The following INPP5D variants were observed in gnomAD, a reference collection of about 807,000 sequenced individuals.
INPP5D encodes the protein inositol polyphosphate-5-phosphatase D.
Under a neutral mutation model 122.9 loss-of-function variants are expected in INPP5D, and 33 were observed. The ratio of observed to expected loss-of-function variants is 0.27; its 90% CI spans 0.20 to 0.36. The LOEUF is 0.36. INPP5D is among the 10% of genes least tolerant of loss of function. The pLI, the probability that INPP5D is intolerant of heterozygous loss-of-function variation, is 1.00. For synonymous variants in INPP5D, 584 were observed against 576.2 expected (o/e 1.01, Z -0.19); for missense variants, 1,053 against 1,412.7 (o/e 0.75, Z 4.08).
intron 24 of INPP5D, among the ~76,000 whole-genome samples, 168 bp downstream of exon 24, chr2:233,195,663 A>G (rs796936811): frequency 2.6e-5 from 4 of 152,274 alleles, no homozygotes; most frequent in African/African-American, 7.2e-5. Flanking sequence ...CCTGAGCAAC[A>G]TATCGAGACC....
intron 6 of INPP5D, chr2:233,145,151 C>G (rs1693724882): frequency 1.6e-5 from 7 of 445,676 alleles, no homozygotes; most frequent in Admixed American, 4.8e-5. Flanking sequence ...CCACACCTGG[C>G]AGCATGTCTA....
Position 233,161,782 on chromosome 2 carries a change from C to T in INPP5D, c.1196C>T (p.Pro399Leu), listed in dbSNP as rs777189163. 11 of 1,613,592 alleles carry T rather than the reference C, an allele frequency of 6.8e-6. No individual in the cohort carries two copies. Among genetic ancestry groups the T allele is most frequent in the South Asian group, 4.4e-5 (4 of 90,990 alleles). ...QQMKNKHSEQ[P>L]EPDMITIFIG... The stretch of plus-strand genomic sequence containing the variant: ...ATGAAGAACAAGCACTCAGAGCAGC[C>T]GGAGCCCGACATGATCACCATCTTC... The change falls in exon 11 of 27, where the codon CCG becomes CTG. Residue 399 changes from proline (P) to leucine (L), a missense_variant. Coordinates refer to ENST00000445964, the MANE Select transcript of INPP5D (RefSeq NM_001017915.3).
chr2:233,109,295 C>G, intron 2 of INPP5D, among the ~76,000 whole-genome samples: 1 of 152,252 alleles, frequency 6.6e-6, no homozygotes, highest in East Asian at 1.9e-4. Flanking sequence ...TCAGCTGAGA[C>G]AGCCAAGAAG....
intron 5 of INPP5D, among the ~76,000 whole-genome samples, chr2:233,137,390 C>T (rs1363943474): frequency 1.3e-5 from 2 of 149,810 alleles, no homozygotes. Flanking sequence ...CTTAATAATG[C>T]AATATGAATC....
chr2:233,175,743 C>T (rs530490216), intron 17 of INPP5D, among the ~76,000 whole-genome samples: 216 of 150,034 alleles, frequency 1.4e-3, no homozygotes, highest in African/African-American at 4.9e-3. Flanking sequence ...AGTGCAGTGG[C>T]GCAATCTCAG....
intron 6 of INPP5D, among the ~76,000 whole-genome samples, chr2:233,142,161 T>C (rs1693644592): frequency 6.6e-6 from 1 of 152,204 alleles, no homozygotes; most frequent in South Asian, 2.1e-4. Flanking sequence ...GGCCAGTCTC[T>C]GCATTTGGTG....
intron 2 of INPP5D, among the ~76,000 whole-genome samples, chr2:233,114,603 G>C (rs923513418): frequency 3.3e-5 from 5 of 152,290 alleles, no homozygotes; most frequent in African/African-American, 1.2e-4. Context: ...TCAGCCTTGG[G>C]ACGTGTGGAT....
At chr2:233,186,282 C>T (rs1288886534) in intron 21 of INPP5D, among the ~76,000 whole-genome samples, 5 of 152,128 alleles carry the variant, frequency 3.3e-5, no homozygotes, top group East Asian at 3.9e-4. Context: ...ACACCTAGGA[C>T]GCAACCCCAA....
rs931342602 is a variant in INPP5D at position 233,206,057 on chromosome 2, C to T, written c.3568-649C>T. Among the ~76,000 whole-genome samples the T allele has an allele frequency of 3.3e-5, 5 of 152,036 alleles. No individual in the cohort carries two copies. Among genetic ancestry groups the T allele is most frequent in the South Asian group, 2.1e-4 (1 of 4,820 alleles). On this transcript the variant is annotated intron_variant, in intron 26 of 26. Coordinates refer to ENST00000445964, the MANE Select transcript of INPP5D (RefSeq NM_001017915.3). This position sits in a 1 kb window ranked among gnomAD's most constrained non-coding sequence, Gnocchi z 4.0. ...TCGCAACACTGCACTCCAGCCTGGG[C>T]GACAGAGTGAGACTCCATCTCAAAA...
rs1273194867 is a variant in INPP5D at position 233,137,845 on chromosome 2, A to T, written c.666-1997A>T. ...GAAACTCCATCACAAAAAAAAAAAA[A>T]AAAAAAAAATATATATATATATATA... is the stretch of plus-strand genomic sequence containing the variant. On this transcript the variant is annotated intron_variant, in intron 5 of 26. Coordinates refer to ENST00000445964, the MANE Select transcript of INPP5D (RefSeq NM_001017915.3). Among the ~76,000 whole-genome samples the T allele has an allele frequency of 4.4e-4, 7 of 15,798 alleles. 2 individuals are homozygous for T. The highest frequency in any genetic ancestry group is 8.5e-4 in the African/African-American group (5 of 5,870). The allele number at this position is 15,798 out of a possible 152,430, so 10.4% of individuals were successfully genotyped here.
intron 18 of INPP5D, among the ~76,000 whole-genome samples, chr2:233,182,045 G>A (rs529939693): frequency 2.4e-4 from 37 of 152,260 alleles, no homozygotes; most frequent in African/African-American, 5.1e-4. Flanking sequence ...GCAGTGAGCC[G>A]AGATCGCGCC....
chr2:233,125,767 C>T lies in INPP5D; in HGVS notation c.372C>T (p.Pro124=), dbSNP rs758115369. The change falls in exon 4 of 27, where the codon CCC becomes CCT. Residue 124 remains proline (P), a synonymous_variant. Coordinates refer to ENST00000445964, the MANE Select transcript of INPP5D (RefSeq NM_001017915.3). ...EDTVESVVSP[P]ELPPRNIPLT... is the part of the protein sequence containing the mutation. ...CAGTAGAAAGTGTCGTGTCTCCACCCGAGCTGCCCCCAAGAAACATCCCGC... is the reference window on the plus strand; with the variant it reads ...CAGTAGAAAGTGTCGTGTCTCCACCTGAGCTGCCCCCAAGAAACATCCCGC... The T allele has an allele frequency of 1.4e-5, 23 of 1,613,492 alleles. 1 individual carries two copies. In the Middle Eastern group the frequency reaches 1.2e-3, roughly 81 times the overall value.
intron 6 of INPP5D, among the ~76,000 whole-genome samples, chr2:233,143,062 A>G (rs927670884): frequency 1.3e-5 from 2 of 152,292 alleles, no homozygotes; most frequent in South Asian, 2.1e-4. Flanking sequence ...TCAGGTCTAT[A>G]CTAGCTGTAA....
chr2:233,061,816 C>T (rs909855842), intron 1 of INPP5D, among the ~76,000 whole-genome samples: 3 of 152,232 alleles, frequency 2.0e-5, no homozygotes, highest in African/African-American at 7.2e-5. Context: ...CAGCCTGTGG[C>T]CCAACCTCTC....
chr2:233,099,112 G>A (rs903284485), intron 2 of INPP5D, among the ~76,000 whole-genome samples: 3 of 152,028 alleles, frequency 2.0e-5, no homozygotes, highest in African/African-American at 7.2e-5. Flanking sequence ...CACCATGTCT[G>A]GCTAATTTTT....
chr2:233,188,653 C>T lies in INPP5D; in HGVS notation c.2359-1197C>T, dbSNP rs530449340. Among the ~76,000 whole-genome samples the T allele has an allele frequency of 3.3e-5, 5 of 152,186 alleles. No individual in the cohort carries two copies. The highest frequency in any genetic ancestry group is 7.3e-5 in the Non-Finnish European group (5 of 68,034). ...CTCGGCTCACTGCAACCTCCGCCTC[C>T]AAGGTTCAAGCGATTTGCCTGTCTC... On this transcript the variant is annotated intron_variant, in intron 21 of 26. Coordinates refer to ENST00000445964, the MANE Select transcript of INPP5D (RefSeq NM_001017915.3). This position sits in a 1 kb window ranked among gnomAD's most constrained non-coding sequence, Gnocchi z 4.7.
At chr2:233,119,295 T>C (rs1197882835) in intron 2 of INPP5D, among the ~76,000 whole-genome samples, 1 of 152,234 alleles carries the variant, frequency 6.6e-6, no homozygotes, top group African/African-American at 2.4e-5. Context: ...TCCTTTTCCA[T>C]GCTCTTAATG....
chr2:233,161,937 C>T (rs1165132447), intron 11 of INPP5D, 111 bp downstream of exon 11: 1 of 1,454,336 alleles, frequency 6.9e-7, no homozygotes, highest in Non-Finnish European at 9.2e-7. Flanking sequence ...TTCCTTCCTG[C>T]CCCAGGGCCC....
intron 13 of INPP5D, among the ~76,000 whole-genome samples, chr2:233,165,469 C>A (rs567913784): frequency 6.2e-5 from 9 of 145,232 alleles, no homozygotes; most frequent in African/African-American, 2.3e-4. Context: ...TGTGTCCATG[C>A]ATGTGTTTGT....
Sources: allele counts gnomAD v4.1 joint callset (sites outside exome capture counted in the v4.1 genomes callset), GRCh38; gene constraint gnomAD v4.1.1; non-coding constraint Gnocchi (gnomAD v3.1); transcripts MANE v1.5; gene names NCBI Gene and HGNC (gene_info 2026-07-23, HGNC 2026-07-21).